Variants in SPTBN1 observed in about 807,000 individuals in gnomAD.
The protein encoded by SPTBN1 is spectrin beta chain, non-erythrocytic 1.
A neutral mutation model predicts 266.4 loss-of-function variants in SPTBN1; 32 were observed. That is an observed-to-expected ratio of 0.12 (90% confidence interval 0.09 to 0.16). The LOEUF is 0.16. SPTBN1 is among the 10% of genes least tolerant of loss of function. The pLI is 1.00. For missense variants in SPTBN1, 2,296 were observed against 3,067.1 expected, an observed-to-expected ratio of 0.75 and a Z score of 5.94; for synonymous variants, 1,336 against 1,162.2, an observed-to-expected ratio of 1.15 and a Z score of -3.04.
intron 3 of SPTBN1, among the ~76,000 whole-genome samples, chr2:54,604,001 G>A (rs1676671641): frequency 6.6e-6 from 1 of 152,180 alleles, no homozygotes; most frequent in East Asian, 1.9e-4. Context: ...ACAGCTGTAA[G>A]TGACTTCAGT....
chr2:54,616,849 C>G (rs1295872227), intron 5 of SPTBN1, among the ~76,000 whole-genome samples: 1 of 152,188 alleles, frequency 6.6e-6, no homozygotes, highest in East Asian at 1.9e-4. Context: ...TAGGTACTTA[C>G]TGAGACCCAA....
rs1672739953 is a variant in SPTBN1 at position 54,554,303 on chromosome 2, C to G, written c.148+27737C>G. The stretch of plus-strand genomic sequence containing the variant: ...GTCCATGTGTTGGTTGTGCCACTCA[C>G]CAGCTGGGGCCCTGGGCAAGGCACT... On this transcript the variant is annotated intron_variant, in intron 2 of 35. Coordinates refer to ENST00000356805, the MANE Select transcript of SPTBN1 (RefSeq NM_003128.3). This position sits in a 1 kb window ranked among gnomAD's most constrained non-coding sequence, Gnocchi z 4.5. Among the ~76,000 whole-genome samples the G allele has an allele frequency of 6.6e-6, 1 of 152,198 alleles. No individual in the cohort carries two copies. Among genetic ancestry groups the G allele is most frequent in the South Asian group, 2.1e-4 (1 of 4,832 alleles).
chr2:54,542,544 C>A (rs1440537379), intron 2 of SPTBN1, among the ~76,000 whole-genome samples: 1 of 152,188 alleles, frequency 6.6e-6, no homozygotes, highest in Non-Finnish European at 1.5e-5. Context: ...AGATTTCCAT[C>A]CCCAGGGGGC....
chr2:54,527,643 G>T (rs1300306566), intron 2 of SPTBN1: 1 of 152,214 alleles, frequency 6.6e-6, no homozygotes, highest in African/African-American at 2.4e-5. Flanking sequence ...ATTTTCTAGT[G>T]CAGGCTCTGT....
chr2:54,513,540 AT>A (rs1350064472), intron 1 of SPTBN1, among the ~76,000 whole-genome samples: 4 of 152,196 alleles, frequency 2.6e-5, no homozygotes, highest in African/African-American at 9.7e-5. Flanking sequence ...CAGGACTGGT[AT>A]TTTGGCAGCA....
intron 1 of SPTBN1, among the ~76,000 whole-genome samples, chr2:54,485,566 C>G (rs1668320296): frequency 6.6e-6 from 1 of 152,208 alleles, no homozygotes; most frequent in Non-Finnish European, 1.5e-5. Flanking sequence ...AGCCGCCTGC[C>G]TTGGCCTCCC....
intron 3 of SPTBN1, among the ~76,000 whole-genome samples, chr2:54,600,038 A>G (rs981159699): frequency 2.6e-5 from 4 of 152,182 alleles, no homozygotes; most frequent in African/African-American, 7.2e-5. Context: ...CAGAATGGAG[A>G]CCACATCTGT....
chr2:54,668,648 C>A lies in SPTBN1; in HGVS notation c.*79C>A. 7.5e-7 allele frequency: 1 copy of A among 1,341,200 alleles called. No homozygotes were observed. The allele number at this position is 1,341,200 out of a possible 1,614,324, so 83.1% of individuals were successfully genotyped here. On this transcript the variant is annotated 3_prime_UTR_variant, in exon 36 of 36. Coordinates refer to ENST00000356805, the MANE Select transcript of SPTBN1 (RefSeq NM_003128.3). ...ATGCAAGCTCAGAACCAACACATTACTCTCTGTGCCTAATGTTCCTCAATG... is the reference window on the plus strand; with the variant it reads ...ATGCAAGCTCAGAACCAACACATTAATCTCTGTGCCTAATGTTCCTCAATG...
intron 1 of SPTBN1, among the ~76,000 whole-genome samples, chr2:54,491,512 A>G (rs1481223895): frequency 6.6e-6 from 1 of 152,234 alleles, no homozygotes; most frequent in Non-Finnish European, 1.5e-5. Context: ...AAACTTTTGA[A>G]TATCATATCT....
rs769352566 is a variant in SPTBN1 at position 54,630,987 on chromosome 2, C to T, written c.2940C>T (p.Ser980=). ...GGGAAAAGACCAAGGTCATCGAGTC[C>T]ACCCAGGACCTGGGCAATGACCTGG... The part of the protein sequence containing the change: ...WIREKTKVIE[S]TQDLGNDLAG... Residue 980 remains serine, a synonymous_variant, in exon 16 of 36, where the codon TCC becomes TCT. Coordinates refer to ENST00000356805, the MANE Select transcript of SPTBN1 (RefSeq NM_003128.3). 5.6e-6 allele frequency: 9 copies of T among 1,614,174 alleles called. No individual in the cohort carries two copies. The South Asian group carries it at 9.9e-5, about 18-fold the overall frequency.
At chr2:54,619,183 G>A (rs1329249699) in intron 7 of SPTBN1, among the ~76,000 whole-genome samples, 2 of 152,216 alleles carry the variant, frequency 1.3e-5, no homozygotes, top group East Asian at 1.9e-4. Context: ...AAGGTCATGA[G>A]GCTGCCAGGC....
intron 3 of SPTBN1, among the ~76,000 whole-genome samples, chr2:54,610,689 G>T (rs747352844): frequency 1.3e-5 from 2 of 152,182 alleles, no homozygotes; most frequent in Non-Finnish European, 2.9e-5. Context: ...GTCTTCAAAT[G>T]GTGGGCCACC....
At position 54,670,698 on chromosome 2, in the gene SPTBN1, TAATA is replaced by T. The variant is rs1208105641; in HGVS notation, c.*2134_*2137del. The T allele has an allele frequency of 1.8e-5, 7 of 398,520 alleles. No homozygotes were observed. Among genetic ancestry groups the T allele is most frequent in the East Asian group, 7.1e-5 (2 of 28,094 alleles). 24.7% of individuals were successfully genotyped at this position (398,520 alleles called of 1,614,324 possible). On this transcript the variant is annotated 3_prime_UTR_variant, in exon 36 of 36. Coordinates refer to ENST00000356805, the MANE Select transcript of SPTBN1 (RefSeq NM_003128.3). ...TCATACCAGCAATCCTGGAGTCCCA[TAATA>T]AATACGTACATGTGGAACATCGTGC...
At chr2:54,461,020 A>G (rs1183839762) in intron 1 of SPTBN1, among the ~76,000 whole-genome samples, 1 of 152,098 alleles carries the variant, frequency 6.6e-6, no homozygotes, top group Non-Finnish European at 1.5e-5. Flanking sequence ...TAAAAATCAT[A>G]AACCAAGGGA....
intron 2 of SPTBN1, among the ~76,000 whole-genome samples, chr2:54,595,040 G>T (rs1252110219): frequency 6.6e-6 from 1 of 152,008 alleles, no homozygotes; most frequent in Non-Finnish European, 1.5e-5. Context: ...CACCATGTTG[G>T]TCAGGCTGGT....
At chr2:54,612,741 A>G (rs1348952695) in intron 4 of SPTBN1, among the ~76,000 whole-genome samples, 1 of 152,160 alleles carries the variant, frequency 6.6e-6, no homozygotes, top group Non-Finnish European at 1.5e-5. Context: ...CAACTATGAC[A>G]TGTGTTACAG....
At chr2:54,499,049 CT>C (rs1669118836) in intron 1 of SPTBN1, among the ~76,000 whole-genome samples, 1 of 152,136 alleles carries the variant, frequency 6.6e-6, no homozygotes, top group Admixed American at 6.5e-5. Context: ...ATGCTTTTCC[CT>C]TTGCACCTGT....
rs1677259378 is a variant in SPTBN1 at position 54,612,104 on chromosome 2, G to A, written c.301-57G>A. ...GCACATGTGACTAGGCAGTAACTCG[G>A]GGTTCATCTCTACTCTGTTGGGTGA... On this transcript the variant is annotated intron_variant, in intron 3 of 35. Transcript: ENST00000356805. The A allele has an allele frequency of 2.7e-6, 4 of 1,492,006 alleles. No homozygotes were observed. The Admixed American group carries it at 6.3e-5, about 24-fold the overall frequency. The allele number at this position is 1,492,006 out of a possible 1,614,324, so 92.4% of individuals were successfully genotyped here.
rs898521349 is a variant in SPTBN1 at position 54,667,551 on chromosome 2, T to C, written c.6834-53T>C. ...TGCATGGGATATGGGAGTTGGGGGA[T>C]TTTTATTTCTCTGTAATTAAGTGGT... On this transcript the variant is annotated intron_variant, in intron 34 of 35. Transcript: ENST00000356805. 23 of 1,571,218 alleles carry C rather than the reference T, an allele frequency of 1.5e-5. 1 individual carries two copies. The East Asian group carries it at 4.9e-4, about 34-fold the overall frequency.
Sources: allele counts gnomAD v4.1 joint callset (sites outside exome capture counted in the v4.1 genomes callset), GRCh38; gene constraint gnomAD v4.1.1; non-coding constraint Gnocchi (gnomAD v3.1); transcripts MANE v1.5; gene names NCBI Gene and HGNC (gene_info 2026-07-23, HGNC 2026-07-21).